Variants in LRRC4C observed in about 807,000 individuals in gnomAD.
LRRC4C encodes the protein leucine-rich repeat-containing protein 4C.
In LRRC4C, 5 loss-of-function variants were observed where a neutral mutation model predicts 33.6. The ratio of observed to expected loss-of-function variants is 0.15; its 90% CI spans 0.08 to 0.31. The LOEUF (loss-of-function observed/expected upper bound fraction) is 0.31, where lower values mean the gene tolerates loss of function less well. Among genes scored for constraint, LRRC4C ranks in the 10% least tolerant of loss-of-function variants. The pLI is 1.00. For synonymous variants in LRRC4C, 329 were observed against 302.0 expected (o/e 1.09, Z -0.93); for missense variants, 560 against 796.7 (o/e 0.70, Z 3.58).
At chr11:40,386,354 T>C (rs1949111234) in intron 3 of LRRC4C, among the ~76,000 whole-genome samples, 1 of 152,194 alleles carries the variant, frequency 6.6e-6, no homozygotes, top group Non-Finnish European at 1.5e-5. Flanking sequence ...TGGGGTCAAA[T>C]TGCAGGGCTT....
intron 1 of LRRC4C, among the ~76,000 whole-genome samples, chr11:41,124,846 A>G (rs1942659583): frequency 6.6e-6 from 1 of 152,184 alleles, no homozygotes; most frequent in Non-Finnish European, 1.5e-5. Context: ...GGCTTTTGAA[A>G]GAGAAATGGA....
chr11:40,851,516 T>A (rs1257735044), intron 2 of LRRC4C, among the ~76,000 whole-genome samples: 1 of 152,162 alleles, frequency 6.6e-6, no homozygotes, highest in African/African-American at 2.4e-5. Flanking sequence ...CAGTTGGAAA[T>A]GCAGTAATCA....
At chr11:40,548,892 T>C (rs1454152283) in intron 3 of LRRC4C, among the ~76,000 whole-genome samples, 1 of 152,126 alleles carries the variant, frequency 6.6e-6, no homozygotes, top group African/African-American at 2.4e-5. Context: ...ATCTCAGAGT[T>C]CAATTCTCTT....
At chr11:40,313,073 C>G (rs1945392303) in intron 4 of LRRC4C, among the ~76,000 whole-genome samples, 1 of 152,094 alleles carries the variant, frequency 6.6e-6, no homozygotes, top group East Asian at 1.9e-4. Flanking sequence ...ATTGCCTGTC[C>G]CTTTCACCAT....
intron 1 of LRRC4C, among the ~76,000 whole-genome samples, chr11:41,029,684 G>A (rs1856594622): frequency 6.6e-6 from 1 of 151,730 alleles, no homozygotes; most frequent in Non-Finnish European, 1.5e-5. Flanking sequence ...TGTAGAACAG[G>A]ACTGATACCT....
At position 40,690,044 on chromosome 11, in the gene LRRC4C, G is replaced by A. The variant is rs1186870272; in HGVS notation, c.-406-41766C>T. ...TTATTTGAAGGACGAGAGGGCACTGGACTTGAAGCCAGTAGAAAGGTTGCA... is the reference window on the plus strand; with the variant it reads ...TTATTTGAAGGACGAGAGGGCACTGAACTTGAAGCCAGTAGAAAGGTTGCA... On this transcript the variant is annotated intron_variant, in intron 2 of 6. Coordinates refer to ENST00000528697, the MANE Select transcript of LRRC4C (RefSeq NM_001258419.2). Among the ~76,000 whole-genome samples, 4 of 152,064 alleles carry A rather than the reference G, an allele frequency of 2.6e-5. No homozygotes were observed. In the East Asian group the frequency reaches 7.7e-4, roughly 29 times the overall value.
At chr11:41,176,972 CAAAA>C (rs1945229414) in intron 1 of LRRC4C, among the ~76,000 whole-genome samples, 1 of 1,110 alleles carries the variant, frequency 9.0e-4, no homozygotes, top group Non-Finnish European at 0.014. Context: ...CTCTATAAAA[CAAAA>C]CAAAACAAAA....
intron 3 of LRRC4C, among the ~76,000 whole-genome samples, chr11:40,433,026 T>C (rs753434951): frequency 1.3e-5 from 2 of 152,180 alleles, no homozygotes; most frequent in Non-Finnish European, 2.9e-5. Flanking sequence ...AATAAAGTCA[T>C]AATACAGAGT....
chr11:41,411,140 C>CTTTTTTTTTTTTTTTTTTTTTTT (rs1249968357), intron 1 of LRRC4C, among the ~76,000 whole-genome samples: 23 of 49,896 alleles, frequency 4.6e-4, no homozygotes, highest in Admixed American at 1.3e-3. Flanking sequence ...GGTTGGTACC[C>CTTTTTTTTTTTTTTTTTTTTTTT]TATTTTTTTT....
chr11:40,592,032 C>CATGATGT (rs200146759), intron 3 of LRRC4C, among the ~76,000 whole-genome samples: 4 of 152,352 alleles, frequency 2.6e-5, no homozygotes, highest in African/African-American at 9.6e-5. Context: ...AATCACTATT[C>CATGATGT]ACTCAAATAG....
intron 1 of LRRC4C, among the ~76,000 whole-genome samples, chr11:41,105,159 T>C (rs1435070602): frequency 6.6e-6 from 1 of 151,986 alleles, no homozygotes; most frequent in Non-Finnish European, 1.5e-5. Context: ...CCCAACTTAT[T>C]CTTAATTTTC....
At chr11:40,850,575 G>A (rs1317211813) in intron 2 of LRRC4C, among the ~76,000 whole-genome samples, 2 of 152,162 alleles carry the variant, frequency 1.3e-5, no homozygotes, top group Non-Finnish European at 2.9e-5. Context: ...CCTGCTGGGA[G>A]GTTTTTCCTT....
At chr11:40,378,798 T>A (rs1407880500) in intron 3 of LRRC4C, among the ~76,000 whole-genome samples, 1 of 152,144 alleles carries the variant, frequency 6.6e-6, no homozygotes, top group East Asian at 1.9e-4. Flanking sequence ...ATACTATAAC[T>A]GTTTATAGAT....
At chr11:40,760,595 A>G (rs1054610719) in intron 2 of LRRC4C, among the ~76,000 whole-genome samples, 3 of 151,554 alleles carry the variant, frequency 2.0e-5, no homozygotes, top group African/African-American at 7.3e-5. Context: ...AGGATTGTCC[A>G]TGGAATAAAC....
intron 1 of LRRC4C, among the ~76,000 whole-genome samples, chr11:41,213,555 A>C (rs1304429784): frequency 6.6e-6 from 1 of 152,232 alleles, no homozygotes; most frequent in Non-Finnish European, 1.5e-5. Context: ...GGGTCACAGC[A>C]AAAGATTTAG....
intron 1 of LRRC4C, among the ~76,000 whole-genome samples, chr11:41,349,580 A>G (rs1951908905): frequency 6.6e-6 from 1 of 152,172 alleles, no homozygotes; most frequent in African/African-American, 2.4e-5. Context: ...GAAATCATCC[A>G]GAAATGGAGC....
Position 40,429,578 on chromosome 11 carries a change from AC to A in LRRC4C, c.-269-109858del, listed in dbSNP as rs377025394. ...CAGGTGCAATAATAATAAAAAAAAA[AC>A]AAAACAAAACATGTAAGGGTATGTG... is the stretch of plus-strand genomic sequence containing the variant. On this transcript the variant is annotated intron_variant, in intron 3 of 6. Coordinates refer to ENST00000528697, the MANE Select transcript of LRRC4C (RefSeq NM_001258419.2). 6.6e-5 allele frequency among the ~76,000 whole-genome samples: 10 copies of A among 151,808 alleles called. 2 individuals carry two copies. The highest frequency in any genetic ancestry group is 2.2e-4 in the African/African-American group (9 of 41,420).
At chr11:41,442,894 T>C (rs1474198223) in intron 1 of LRRC4C, among the ~76,000 whole-genome samples, 1 of 152,158 alleles carries the variant, frequency 6.6e-6, no homozygotes, top group Non-Finnish European at 1.5e-5. Context: ...TTACAATGAC[T>C]TATGTATGCA....
At chr11:40,215,455 A>G (rs981407924) in intron 5 of LRRC4C, among the ~76,000 whole-genome samples, 1 of 152,178 alleles carries the variant, frequency 6.6e-6, no homozygotes, top group Non-Finnish European at 1.5e-5. Context: ...CAGACATCCA[A>G]TAAATTGTAG....
Sources: allele counts gnomAD v4.1 joint callset (sites outside exome capture counted in the v4.1 genomes callset), GRCh38; gene constraint gnomAD v4.1.1; transcripts MANE v1.5; gene names NCBI Gene and HGNC (gene_info 2026-07-23, HGNC 2026-07-21).